The following NRXN3 variants were observed in gnomAD, a reference collection of about 807,000 sequenced individuals.
NRXN3 encodes the protein neurexin III.
A neutral mutation model predicts 137.6 loss-of-function variants in NRXN3; 32 were observed. That is an observed-to-expected ratio of 0.23 (90% confidence interval 0.18 to 0.31). The LOEUF is 0.31. Ranked by LOEUF, NRXN3 falls within the 10% of genes least tolerant of loss-of-function variation. The pLI, the probability that NRXN3 is intolerant of heterozygous loss-of-function variation, is 1.00. For missense variants in NRXN3, 1,574 were observed against 2,062.5 expected (o/e 0.76, Z 4.59); for synonymous variants, 798 against 784.5 (o/e 1.02, Z -0.29).
chr14:79,151,723 G>T (rs1328055826), intron 15 of NRXN3, among the ~76,000 whole-genome samples: 1 of 151,902 alleles, frequency 6.6e-6, no homozygotes, highest in Non-Finnish European at 1.5e-5. Flanking sequence ...GTCCACTTTT[G>T]GGGTAGATCT....
chr14:78,533,155 A>G (rs576538022), intron 4 of NRXN3, among the ~76,000 whole-genome samples: 2 of 134,638 alleles, frequency 1.5e-5, no homozygotes, highest in Non-Finnish European at 3.0e-5. Flanking sequence ...GGTGGAGTGC[A>G]GTGGTGCGAT....
chr14:79,741,469 G>A (rs2098962818), intron 19 of NRXN3, among the ~76,000 whole-genome samples: 2 of 151,976 alleles, frequency 1.3e-5, no homozygotes, highest in Non-Finnish European at 2.9e-5. Context: ...GTGTGTGTGT[G>A]TGTGCATGTA....
intron 15 of NRXN3, among the ~76,000 whole-genome samples, chr14:79,283,017 A>G (rs1361569419): frequency 2.6e-5 from 4 of 152,236 alleles, no homozygotes; most frequent in Non-Finnish European, 5.9e-5. Context: ...AGAAGACCCC[A>G]CAGAGCTTTG....
At position 79,495,947 on chromosome 14, in the gene NRXN3, TA is replaced by T. The variant is rs772032242; in HGVS notation, c.3444+28557del. ...TCATCTCTATCGAGTAGTCAAGTGC[TA>T]AAAAAAAAAAACAAAAAACAAAAAA... On this transcript the variant is annotated intron_variant, in intron 16 of 20. Coordinates refer to ENST00000335750, the MANE Select transcript of NRXN3 (RefSeq NM_001330195.2). Among the ~76,000 whole-genome samples the T allele has an allele frequency of 1.4e-3, 188 of 131,624 alleles. 1 individual carries two copies. Among genetic ancestry groups the T allele is most frequent in the African/African-American group, 3.4e-3 (122 of 35,778 alleles). The allele number at this position is 131,624 out of a possible 152,430, so 86.4% of individuals were successfully genotyped here. A position where few individuals can be genotyped will look rare whatever the true frequency, so the allele number is the denominator to read the frequency against.
chr14:79,123,642 T>C (rs749016884), intron 15 of NRXN3, among the ~76,000 whole-genome samples: 14 of 152,130 alleles, frequency 9.2e-5, no homozygotes, highest in Non-Finnish European at 1.3e-4. Flanking sequence ...AAATATATAA[T>C]TGAAAATGTT....
At chr14:79,024,153 A>G (rs1394269846) in intron 15 of NRXN3, among the ~76,000 whole-genome samples, 2 of 152,194 alleles carry the variant, frequency 1.3e-5, no homozygotes, top group East Asian at 3.9e-4. Flanking sequence ...TTCAATGTGC[A>G]ACTCAAGAAA....
At chr14:78,231,830 T>A (rs2065453113) in intron 1 of NRXN3, among the ~76,000 whole-genome samples, 1 of 152,232 alleles carries the variant, frequency 6.6e-6, no homozygotes, top group Non-Finnish European at 1.5e-5. Context: ...GAGTGTTTGC[T>A]GTTGCTGCTG....
chr14:78,311,757 G>C lies in NRXN3; in HGVS notation c.757+13897G>C, dbSNP rs370063071. The stretch of plus-strand genomic sequence containing the variant: ...CTGCTTTTTTTTTTGTGCACACAAA[G>C]AGCTATAGGATTTCCTTGTATTACT... On this transcript the variant is annotated intron_variant, in intron 4 of 20. Coordinates refer to ENST00000335750, the MANE Select transcript of NRXN3 (RefSeq NM_001330195.2). Among the ~76,000 whole-genome samples, 8 of 152,032 alleles carry C rather than the reference G, an allele frequency of 5.3e-5. No individual in the cohort carries two copies. In the East Asian group the frequency reaches 1.5e-3, roughly 29 times the overall value.
At chr14:78,408,888 T>C (rs1037262263) in intron 4 of NRXN3, among the ~76,000 whole-genome samples, 4 of 152,236 alleles carry the variant, frequency 2.6e-5, no homozygotes, top group African/African-American at 9.6e-5. Flanking sequence ...AGAGCTGTCC[T>C]GGAATAGCTT....
intron 15 of NRXN3, among the ~76,000 whole-genome samples, chr14:79,182,706 T>C (rs968298592): frequency 5.3e-5 from 8 of 152,180 alleles, no homozygotes; most frequent in Non-Finnish European, 1.2e-4. Flanking sequence ...GGAGACCCCT[T>C]TTCTAAGTGT....
intron 4 of NRXN3, among the ~76,000 whole-genome samples, chr14:78,346,984 GAGT>G (rs1408814608): frequency 6.6e-6 from 1 of 152,188 alleles, no homozygotes; most frequent in African/African-American, 2.4e-5. Flanking sequence ...CATGGGGCGT[GAGT>G]AGTAATGTGA....
At chr14:79,502,009 T>G (rs1390092894) in intron 16 of NRXN3, among the ~76,000 whole-genome samples, 1 of 152,184 alleles carries the variant, frequency 6.6e-6, no homozygotes, top group African/African-American at 2.4e-5. Flanking sequence ...CAGATCTGAT[T>G]CTTACATTTG....
chr14:79,395,200 C>T lies in NRXN3; in HGVS notation c.3263-72021C>T, dbSNP rs1214376853. ...TTTACAAAGATATCTACTGTTCTGCCAGGGTTCATAACTTTGGGCCTGTGA... is the reference window on the plus strand; with the variant it reads ...TTTACAAAGATATCTACTGTTCTGCTAGGGTTCATAACTTTGGGCCTGTGA... On this transcript the variant is annotated intron_variant, in intron 15 of 20. Transcript: ENST00000335750. Among the ~76,000 whole-genome samples, 2 of 152,108 alleles carry T rather than the reference C, an allele frequency of 1.3e-5. 1 individual carries two copies. The highest frequency in any genetic ancestry group is 3.9e-4 in the East Asian group (2 of 5,186).
At chr14:78,876,620 T>C (rs2099114495) in intron 10 of NRXN3, among the ~76,000 whole-genome samples, 1 of 152,224 alleles carries the variant, frequency 6.6e-6, no homozygotes, top group Non-Finnish European at 1.5e-5. Context: ...AAGAAGTGGC[T>C]GTGAATTGTC....
At chr14:79,628,619 C>G (rs962391239) in intron 16 of NRXN3, among the ~76,000 whole-genome samples, 2 of 152,126 alleles carry the variant, frequency 1.3e-5, no homozygotes, top group Non-Finnish European at 2.9e-5. Context: ...TCGAGAATAC[C>G]TTGGCAGAGC....
At chr14:79,400,526 G>A (rs1314584510) in intron 15 of NRXN3, among the ~76,000 whole-genome samples, 4 of 152,154 alleles carry the variant, frequency 2.6e-5, no homozygotes, top group African/African-American at 9.7e-5. Flanking sequence ...GCTAGGCGCT[G>A]GGATGCTAAA....
At position 78,762,600 on chromosome 14, in the gene NRXN3, T is replaced by A. The variant is rs1035615730; in HGVS notation, c.2045-41020T>A. ...AAAGAGAAGGGTAAGACAGTCTCCA[T>A]CATGAATACATACTTAGTCCAAAGG... On this transcript the variant is annotated intron_variant, in intron 8 of 20. Coordinates refer to ENST00000335750, the MANE Select transcript of NRXN3 (RefSeq NM_001330195.2). Among the ~76,000 whole-genome samples, 5 of 152,260 alleles carry A rather than the reference T, an allele frequency of 3.3e-5. No homozygotes were observed. In the South Asian group the frequency reaches 1.0e-3, roughly 32 times the overall value.
rs975839246 is a variant in NRXN3, at chr14:79,208,430, A to C, written c.3262+220289A>C. On this transcript the variant is annotated intron_variant, in intron 15 of 20. Transcript: ENST00000335750. ...TATTTTCTTGGCCAAAAGGGGACAA[A>C]TAACATCTCACACTAAGAACATTAA... Among the ~76,000 whole-genome samples, 4 of 152,346 alleles carry C rather than the reference A, an allele frequency of 2.6e-5. No homozygotes were observed. In the South Asian group the frequency reaches 6.2e-4, roughly 24 times the overall value.
At chr14:78,773,465 G>T (rs1275092583) in intron 8 of NRXN3, among the ~76,000 whole-genome samples, 1 of 152,250 alleles carries the variant, frequency 6.6e-6, no homozygotes, top group Non-Finnish European at 1.5e-5. Context: ...GGAAGTACCT[G>T]TCATGTTTGG....
Sources: gnomAD v4.1 joint callset for allele counts (sites outside exome capture counted in the v4.1 genomes callset) on GRCh38, gnomAD v4.1.1 for gene constraint, MANE v1.5 for transcripts, NCBI Gene and HGNC (gene_info 2026-07-23, HGNC 2026-07-21) for gene names.